FBF1: variants seen among roughly 807,000 people sequenced by gnomAD.
FBF1 encodes Fas binding factor 1, also known as fas-binding factor 1.
FBF1 carries 119 observed loss-of-function variants against 147.2 expected under a neutral mutation model. That is an observed-to-expected ratio of 0.81 (90% CI 0.70 to 0.94). The LOEUF (loss-of-function observed/expected upper bound fraction) is 0.94, where lower values mean the gene tolerates loss of function less well. FBF1 is among the 40% of genes least tolerant of loss of function. The pLI, the probability that FBF1 is intolerant of heterozygous loss-of-function variation, is 0.00. For synonymous variants in FBF1, 601 were observed against 609.0 expected, an observed-to-expected ratio of 0.99 and a Z score of 0.19; for missense variants, 1,449 against 1,500.8, an observed-to-expected ratio of 0.97 and a Z score of 0.57.
At chr17:75,936,326 A>G (rs1406962861) in intron 3 of FBF1, among the ~76,000 whole-genome samples, 1 of 148,902 alleles carries the variant, frequency 6.7e-6, no homozygotes, top group Non-Finnish European at 1.5e-5. Context: ...AAAACAACAA[A>G]AAGACCCCCC....
intron 28 of FBF1, among the ~76,000 whole-genome samples, chr17:75,913,091 T>C (rs2065465118): frequency 6.7e-6 from 1 of 150,364 alleles, no homozygotes; most frequent in African/African-American, 2.4e-5. Context: ...TGCACCAAAA[T>C]GTTAAAAGTG....
chr17:75,913,095 A>G (rs114019383), intron 28 of FBF1, among the ~76,000 whole-genome samples: 4,910 of 151,850 alleles, frequency 0.032, 238 homozygotes, highest in African/African-American at 0.099. Context: ...CCAAAATGTT[A>G]AAAGTGAAAA....
chr17:75,930,982 C>A (rs2065590970), intron 6 of FBF1, among the ~76,000 whole-genome samples: 1 of 152,080 alleles, frequency 6.6e-6, no homozygotes, highest in Non-Finnish European at 1.5e-5. Flanking sequence ...GTAAGCCCAG[C>A]TACTTGGGAG....
In FBF1 at chr17:75,937,599, A is replaced by T; in HGVS notation, c.4-6T>A. 6.2e-7 allele frequency: 1 copy of T among 1,613,986 alleles called. No individual in the cohort carries two copies. The highest frequency in any genetic ancestry group is 8.5e-7 in the Non-Finnish European group (1 of 1,179,874). On this transcript the variant is annotated splice_region_variant and splice_polypyrimidine_tract_variant and intron_variant, in intron 2 of 29. Transcript: ENST00000636174. ...CCTTTCTTGGTTTTTGGTGCCTAAA[A>T]TGGGAAAAACAAATCACATCAAGAA...
rs539726344 is a variant in FBF1 at position 75,915,672 on chromosome 17, G to A, written c.2506-533C>T. Reference sequence around the variant, plus strand: ...ACAGGATAGATATCAGGTCAGCAGTGGACATCTCTGACTAGTGGGATATTT... The same window carrying A: ...ACAGGATAGATATCAGGTCAGCAGTAGACATCTCTGACTAGTGGGATATTT... On this transcript the variant is annotated intron_variant, in intron 23 of 29. Coordinates refer to ENST00000636174, the MANE Select transcript of FBF1 (RefSeq NM_001319193.2). 1.4e-3 allele frequency among the ~76,000 whole-genome samples: 208 copies of A among 152,122 alleles called. 1 individual carries two copies. Among genetic ancestry groups the A allele is most frequent in the Non-Finnish European group, 1.9e-3 (126 of 68,016 alleles).
At position 75,910,319 on chromosome 17, in the gene FBF1, C is replaced by T. The variant is rs1454507087; in HGVS notation, c.*404G>A. The T allele has an allele frequency of 6.3e-6, 2 of 317,212 alleles. No individual in the cohort carries two copies. The highest frequency in any genetic ancestry group is 7.6e-5 in the East Asian group (1 of 13,120). 19.6% of individuals were successfully genotyped at this position (317,212 alleles called of 1,614,324 possible). ...GTAGGGAAGGCTGTTTGTGGCATCCCTCAAGAAAGCTCCTGCCTCAGAAGA... is the reference window on the plus strand; with the variant it reads ...GTAGGGAAGGCTGTTTGTGGCATCCTTCAAGAAAGCTCCTGCCTCAGAAGA... On this transcript the variant is annotated 3_prime_UTR_variant, in exon 30 of 30. Coordinates refer to ENST00000636174, the MANE Select transcript of FBF1 (RefSeq NM_001319193.2). This position sits in a 1 kb window ranked among gnomAD's most constrained non-coding sequence, Gnocchi z 4.1.
chr17:75,933,781 T>A (rs1334897398), intron 4 of FBF1, among the ~76,000 whole-genome samples: 1 of 152,112 alleles, frequency 6.6e-6, no homozygotes, highest in East Asian at 1.9e-4. Context: ...TCCAAAGATA[T>A]ACACGTGGCC....
In FBF1 at chr17:75,909,629, A is replaced by C. The variant is rs1419941838; in HGVS notation, c.*1094T>G. On this transcript the variant is annotated 3_prime_UTR_variant, in exon 30 of 30. Coordinates refer to ENST00000636174, the MANE Select transcript of FBF1 (RefSeq NM_001319193.2). ...CGGGCCTCAGTTTCTGCATGTTTGA[A>C]GCAGGGCTAATAGTACCCTTCTCCT... 3.8e-6 allele frequency: 2 copies of C among 520,580 alleles called. No individual in the cohort carries two copies. The highest frequency in any genetic ancestry group is 3.2e-5 in the Admixed American group (1 of 31,192). The allele number at this position is 520,580 out of a possible 1,614,324, so 32.2% of individuals were successfully genotyped here.
rs996059934 is a variant in FBF1, at chr17:75,921,489, C to T, written c.1598G>A (p.Gly533Glu). 3 of 1,612,928 alleles carry T rather than the reference C, an allele frequency of 1.9e-6. No homozygotes were observed. The highest frequency in any genetic ancestry group is 3.3e-5 in the Admixed American group (2 of 59,838). Residue 533 changes from glycine to glutamate, a missense_variant, in exon 16 of 30, where the codon GGA becomes GAA. Gly to Glu is a moderately conservative substitution (Grantham distance 98). Transcript: ENST00000636174. ...AAACAAACCAGTGGCTGAGAGGTCT[C>T]CAGGGGCTGTTCCCCTCTTTGGGGA... ...TGSPKRGTAP[G>E]DLSATEPATC...
At chr17:75,934,929 A>G (rs2065615186) in intron 4 of FBF1, among the ~76,000 whole-genome samples, 1 of 151,912 alleles carries the variant, frequency 6.6e-6, no homozygotes, top group Non-Finnish European at 1.5e-5. Context: ...CATTTTATGT[A>G]AAGTGTCCAC....
Position 75,918,343 on chromosome 17 carries a change from G to A in FBF1, c.2139-74C>T, listed in dbSNP as rs1371226604. On this transcript the variant is annotated intron_variant, in intron 20 of 29. Coordinates refer to ENST00000636174, the MANE Select transcript of FBF1 (RefSeq NM_001319193.2). The surrounding 1 kb of genome is among the most constrained non-coding windows in gnomAD (Gnocchi z 5.8). Reference sequence around the variant, plus strand: ...TGATGCGGTAACTCCTTGTGGAAGGGTGTGTTTCCGTGCAGCCCTTGCTCC... The same window carrying A: ...TGATGCGGTAACTCCTTGTGGAAGGATGTGTTTCCGTGCAGCCCTTGCTCC... 3.2e-6 allele frequency: 4 copies of A among 1,251,770 alleles called. No homozygotes were observed. Among genetic ancestry groups the A allele is most frequent in the Non-Finnish European group, 4.5e-6 (4 of 888,746 alleles). The allele number at this position is 1,251,770 out of a possible 1,614,324, so 77.5% of individuals were successfully genotyped here.
intron 7 of FBF1, among the ~76,000 whole-genome samples, chr17:75,929,350 C>T (rs1158887215): frequency 6.6e-6 from 1 of 151,882 alleles, no homozygotes; most frequent in Non-Finnish European, 1.5e-5. Context: ...ACCCAAAAAA[C>T]AAAAATACAC....
chr17:75,925,923 CATG>C lies in FBF1; in HGVS notation c.868+104_868+106del. 1 of 1,403,414 alleles carries C rather than the reference CATG, an allele frequency of 7.1e-7. No individual in the cohort carries two copies. The highest frequency in any genetic ancestry group is 1.5e-5 in the South Asian group (1 of 67,274). 86.9% of individuals were successfully genotyped at this position (1,403,414 alleles called of 1,614,324 possible). ...TCTCAGCTATAGACGTGTATAATCA[CATG>C]TGTGTATCAGGATGTGAGGCTGATT... On this transcript the variant is annotated intron_variant, in intron 12 of 29. Transcript: ENST00000636174. This position sits in a 1 kb window ranked among gnomAD's most constrained non-coding sequence, Gnocchi z 5.0.
intron 9 of FBF1, 66 bp downstream of exon 9, chr17:75,927,389 A>T: frequency 7.1e-7 from 1 of 1,414,432 alleles, no homozygotes; most frequent in Non-Finnish European, 9.7e-7. Flanking sequence ...CGGGCCAGCA[A>T]GCATGCCTAG....
chr17:75,914,253 C>T lies in FBF1; in HGVS notation c.2860G>A (p.Glu954Lys). The T allele has an allele frequency of 6.3e-7, 1 of 1,593,798 alleles. No homozygotes were observed. Among genetic ancestry groups the T allele is most frequent in the Middle Eastern group, 1.7e-4 (1 of 6,052 alleles). ...GCTCTCTCCGCTGCCAGCTGCTTCT[C>T]CTCGGCCCGGAGCTCGCTGGCCCTG... ...KIRASELRAE[E>K]KQLAAERAAL... is the part of the protein sequence containing the mutation. The change falls in exon 26 of 30, where the codon GAG becomes AAG. Residue 954 changes from glutamate (E) to lysine (K), a missense_variant. Glu to Lys is a moderately conservative substitution (Grantham distance 56). Transcript: ENST00000636174.
Position 75,940,874 on chromosome 17 carries a change from C to G in FBF1, c.-110G>C, listed in dbSNP as rs891321934. On this transcript the variant is annotated 5_prime_UTR_variant, in exon 1 of 30. Transcript: ENST00000636174. ...CTTCTGAGCGCCCGGCCTATCTGGCCCCGGAGCGCAGCCTGTAACGCTCTC... is the reference window on the plus strand; with the variant it reads ...CTTCTGAGCGCCCGGCCTATCTGGCGCCGGAGCGCAGCCTGTAACGCTCTC... The G allele has an allele frequency of 1.3e-5, 2 of 153,800 alleles. No homozygotes were observed. Among genetic ancestry groups the G allele is most frequent in the African/African-American group, 4.8e-5 (2 of 41,470 alleles). The allele number at this position is 153,800 out of a possible 1,614,324, so 9.5% of individuals were successfully genotyped here.
intron 17 of FBF1, among the ~76,000 whole-genome samples, chr17:75,920,633 T>C (rs2065519816): frequency 6.6e-6 from 1 of 152,120 alleles, no homozygotes; most frequent in Admixed American, 6.6e-5. Context: ...CAGGAGCATG[T>C]CTCCCTCCAC....
At position 75,933,005 on chromosome 17, in the gene FBF1, C is replaced by A; in HGVS notation, c.157G>T (p.Ala53Ser). ...GVSQMFPSSK[A>S]RTKSLLGDDV... ...GGACCCTGCCCTTACTTTGTTCTCG[C>A]CTTTGAAGAAGGGAACATCTGAGAT... Residue 53 changes from alanine (A) to serine (S), a missense_variant, in exon 5 of 30, where the codon GCG becomes TCG. By Grantham distance (99) the Ala-to-Ser change is moderately conservative. Transcript: ENST00000636174. 6.3e-7 allele frequency: 1 copy of A among 1,599,230 alleles called. No homozygotes were observed. The highest frequency in any genetic ancestry group is 8.6e-7 in the Non-Finnish European group (1 of 1,168,444).
chr17:75,938,948 C>T (rs2065641901), intron 1 of FBF1, among the ~76,000 whole-genome samples: 1 of 151,844 alleles, frequency 6.6e-6, no homozygotes, highest in South Asian at 2.1e-4. Flanking sequence ...AGAGGTAAAG[C>T]CCATTTCCAT....
Sources: gnomAD v4.1 joint callset for allele counts (sites outside exome capture counted in the v4.1 genomes callset) on GRCh38, gnomAD v4.1.1 for gene constraint, Gnocchi (gnomAD v3.1) non-coding constraint, MANE v1.5 for transcripts, NCBI Gene and HGNC (gene_info 2026-07-23, HGNC 2026-07-21) for gene names.